The following RPGRIP1 variants were observed in gnomAD, a reference collection of about 807,000 sequenced individuals.
RPGRIP1 encodes X-linked retinitis pigmentosa GTPase regulator-interacting protein 1.
RPGRIP1 carries 128 observed loss-of-function variants against 157.9 expected under a neutral mutation model. The observed-to-expected ratio is 0.81, with a 90% confidence interval of 0.70 to 0.94. The LOEUF is 0.94. RPGRIP1 is among the 40% of genes least tolerant of loss of function. The pLI is 0.00. For synonymous variants in RPGRIP1, 554 were observed against 571.6 expected, an observed-to-expected ratio of 0.97 and a Z score of 0.44; for missense variants, 1,486 against 1,545.8, an observed-to-expected ratio of 0.96 and a Z score of 0.65.
chr14:21,320,525 T>G (rs557078078), intron 12 of RPGRIP1, among the ~76,000 whole-genome samples: 2 of 151,394 alleles, frequency 1.3e-5, no homozygotes, highest in East Asian at 3.9e-4. Flanking sequence ...TCTCCTGACC[T>G]CGTGATCCGC....
At position 21,334,701 on chromosome 14, in the gene RPGRIP1, A is replaced by G. The variant is rs1884146907; in HGVS notation, c.3335A>G (p.Lys1112Arg). The change falls in exon 21 of 25, where the codon AAG becomes AGG. Residue 1112 changes from lysine to arginine, a missense_variant. Coordinates refer to ENST00000400017, the MANE Select transcript of RPGRIP1 (RefSeq NM_020366.4). ...IVPPMSQKYP[K>R]ADSEKMCIEI... The stretch of plus-strand genomic sequence containing the variant: ...CCACCCATGTCTCAGAAATATCCTA[A>G]GGCAGTAAGTACACTGGAGTAATCA... 6.3e-7 allele frequency: 1 copy of G among 1,586,506 alleles called. No homozygotes were observed. The highest frequency in any genetic ancestry group is 8.6e-7 in the Non-Finnish European group (1 of 1,160,764).
At position 21,302,539 on chromosome 14, in the gene RPGRIP1, C is replaced by A; in HGVS notation, c.542C>A (p.Ala181Glu). 1 of 1,587,976 alleles carries A rather than the reference C, an allele frequency of 6.3e-7. No homozygotes were observed. Among genetic ancestry groups the A allele is most frequent in the Non-Finnish European group, 8.6e-7 (1 of 1,165,564 alleles). The stretch of plus-strand genomic sequence containing the variant: ...GCCCCTCCATCGTTTAAGGAGCATG[C>A]GACAAATGAAAACAGAGGTGAAGTA... ...YTAPPSFKEHATNENRGEVAS... is the reference protein window; with the variant it reads ...YTAPPSFKEHETNENRGEVAS... The change falls in exon 5 of 25, where the codon GCG (alanine) becomes GAG (glutamate). Residue 181 changes from alanine to glutamate, a missense_variant. Transcript: ENST00000400017.
chr14:21,294,804 CA>C lies in RPGRIP1; in HGVS notation c.217del (p.Arg73GlyfsTer2). 1 of 926,424 alleles carries C rather than the reference CA, an allele frequency of 1.1e-6. No individual in the cohort carries two copies. The highest frequency in any genetic ancestry group is 2.2e-5 in the Admixed American group (1 of 46,380). 57.4% of individuals were successfully genotyped at this position (926,424 alleles called of 1,614,324 possible). ...ELSWKQQDEI[K>X]RLRTTLLRLT... ...TTTCTTGGAAGCAACAGGATGAGAT[CA>C]AAAGGTACTTAGAGTTCTCCTTAAA... is the stretch of plus-strand genomic sequence containing the variant. On this transcript the variant is annotated frameshift_variant, in exon 3 of 25. Coordinates refer to ENST00000400017, the MANE Select transcript of RPGRIP1 (RefSeq NM_020366.4). LOFTEE classifies it high-confidence loss of function.
chr14:21,288,005 G>A lies in RPGRIP1; in HGVS notation c.29G>A (p.Gly10Glu), dbSNP rs756665749. The A allele has an allele frequency of 4.3e-6, 7 of 1,613,626 alleles. No homozygotes were observed. Among genetic ancestry groups the A allele is most frequent in the Middle Eastern group, 1.7e-4 (1 of 6,060 alleles). Residue 10 changes from glycine to glutamate, a missense_variant, in exon 2 of 25, where the codon GGA (glycine) becomes GAA (glutamate). Gly to Glu is a moderately conservative substitution (Grantham distance 98). Coordinates refer to ENST00000400017, the MANE Select transcript of RPGRIP1 (RefSeq NM_020366.4). ...TCACATCTGGTGGACCCTACATCAG[G>A]AGACTTGCCAGTTAGAGACATAGAT... MSHLVDPTS[G>E]DLPVRDIDAI... is the part of the protein sequence containing the mutation.
intron 11 of RPGRIP1, chr14:21,318,110 G>T (rs1881963813): frequency 1.6e-6 from 1 of 617,482 alleles, no homozygotes; most frequent in African/African-American, 1.8e-5. Context: ...TTGTTTGTTT[G>T]TTTGTTTGTT....
intron 21 of RPGRIP1, among the ~76,000 whole-genome samples, chr14:21,338,186 G>C (rs182298786): frequency 6.6e-6 from 1 of 152,314 alleles, no homozygotes; most frequent in East Asian, 1.9e-4. Context: ...AAAGTGCCGG[G>C]ATTACAGGCG....
Position 21,328,286 on chromosome 14 carries a change from G to A in RPGRIP1, c.2896-138G>A, listed in dbSNP as rs538485252. On this transcript the variant is annotated intron_variant, in intron 18 of 24. Coordinates refer to ENST00000400017, the MANE Select transcript of RPGRIP1 (RefSeq NM_020366.4). ...GGAGCGAAAGCCTGGGTTTTACTGC[G>A]GAAAAGAGAGAGAAATAGCATTTCT... 73 of 646,242 alleles carry A rather than the reference G, an allele frequency of 1.1e-4. 1 individual carries two copies. Among genetic ancestry groups the A allele is most frequent in the South Asian group, 1.1e-3 (49 of 44,504 alleles). The allele number at this position is 646,242 out of a possible 1,614,324, so 40.0% of individuals were successfully genotyped here. A position where few individuals can be genotyped will look rare whatever the true frequency, so the allele number is the denominator to read the frequency against.
intron 2 of RPGRIP1, among the ~76,000 whole-genome samples, chr14:21,292,917 C>T (rs1335579133): frequency 2.0e-5 from 3 of 151,490 alleles, no homozygotes; most frequent in South Asian, 4.2e-4. Flanking sequence ...GAGGCCGAGG[C>T]GGGTGGATCA....
At chr14:21,284,375 A>G (rs899002795) in intron 1 of RPGRIP1, among the ~76,000 whole-genome samples, 2 of 152,052 alleles carry the variant, frequency 1.3e-5, no homozygotes, top group African/African-American at 4.8e-5. Context: ...CATTTATGGA[A>G]ATAGGGAAAG....
Position 21,330,355 on chromosome 14 carries a change from T to C in RPGRIP1, c.3206T>C (p.Leu1069Pro). Residue 1069 changes from leucine (L) to proline (P), a missense_variant, in exon 20 of 25, where the codon CTG (leucine) becomes CCG (proline). Coordinates refer to ENST00000400017, the MANE Select transcript of RPGRIP1 (RefSeq NM_020366.4). ...GAAATGACATTATCCCATTCAGCAC[T>C]GAAACAGAAGGAACCTCTACATCCT... ...EEEMTLSHSA[L>P]KQKEPLHPVN... 2 of 1,571,138 alleles carry C rather than the reference T, an allele frequency of 1.3e-6. No individual in the cohort carries two copies. Among genetic ancestry groups the C allele is most frequent in the Non-Finnish European group, 1.7e-6 (2 of 1,163,770 alleles).
At chr14:21,312,402 A>G (rs1444323149) in intron 9 of RPGRIP1, 31 bp from the exon 10 acceptor site, 1 of 1,528,618 alleles carries the variant, frequency 6.5e-7, no homozygotes, top group Non-Finnish European at 9.0e-7. Context: ...AGATTTTAAC[A>G]TTTTATCTCA....
chr14:21,328,523 G>T lies in RPGRIP1; in HGVS notation c.2995G>T (p.Val999Phe). 6.2e-7 allele frequency: 1 copy of T among 1,613,568 alleles called. No homozygotes were observed. Among genetic ancestry groups the T allele is most frequent in the Admixed American group, 1.7e-5 (1 of 59,994 alleles). Residue 999 changes from valine (V) to phenylalanine (F), a missense_variant, in exon 19 of 25, where the codon GTT becomes TTT. Transcript: ENST00000400017. The stretch of plus-strand genomic sequence containing the variant: ...AGAAAGAAAGGAGAAGGAGCACCAG[G>T]TTGTGAGCTACTCAAGAAGAAAACA... ...GGERKEKEHQ[V>F]VSYSRRKHGK...
intron 20 of RPGRIP1, among the ~76,000 whole-genome samples, chr14:21,334,391 C>T (rs901531392): frequency 1.3e-5 from 2 of 151,914 alleles, no homozygotes; most frequent in African/African-American, 4.8e-5. Context: ...TCCTTCTTTC[C>T]CTTTCTTTTT....
chr14:21,330,712 A>C (rs1259155004), intron 20 of RPGRIP1, among the ~76,000 whole-genome samples: 1 of 152,066 alleles, frequency 6.6e-6, no homozygotes, highest in Non-Finnish European at 1.5e-5. Context: ...TAATCATTTA[A>C]TTGTTTTGCC....
At chr14:21,339,108 C>A (rs1400186257) in intron 21 of RPGRIP1, among the ~76,000 whole-genome samples, 1 of 151,842 alleles carries the variant, frequency 6.6e-6, no homozygotes, top group Non-Finnish European at 1.5e-5. Flanking sequence ...TGCACTCCAG[C>A]CTGGGCGACA....
chr14:21,334,514 C>A (rs1884126582), intron 20 of RPGRIP1, 91 bp from the exon 21 acceptor site: 1 of 847,252 alleles, frequency 1.2e-6, no homozygotes, highest in African/African-American at 1.7e-5. Context: ...AACTAGTGAC[C>A]AGACAGTGGA....
intron 1 of RPGRIP1, among the ~76,000 whole-genome samples, chr14:21,283,998 T>G (rs1880220368): frequency 1.3e-5 from 2 of 152,354 alleles, no homozygotes; most frequent in South Asian, 2.1e-4. Context: ...TTATTCAGCT[T>G]TCTTAAAATA....
At chr14:21,318,902 C>T (rs1371529914) in intron 11 of RPGRIP1, among the ~76,000 whole-genome samples, 2 of 151,664 alleles carry the variant, frequency 1.3e-5, no homozygotes, top group Non-Finnish European at 2.9e-5. Flanking sequence ...TCTTGGTTAC[C>T]ACTGCCAGTT....
chr14:21,316,974 G>T (rs11620670), intron 10 of RPGRIP1, among the ~76,000 whole-genome samples: 52,756 of 151,506 alleles, frequency 0.35, 9,799 homozygotes, highest in East Asian at 0.43. Context: ...ACAAAAATTA[G>T]CTGGGCCTGG....
Sources: allele counts gnomAD v4.1 joint callset (sites outside exome capture counted in the v4.1 genomes callset), GRCh38; gene constraint gnomAD v4.1.1; transcripts MANE v1.5; gene names NCBI Gene and HGNC (gene_info 2026-07-23, HGNC 2026-07-21).